UBXN7: variants seen among roughly 807,000 people sequenced by gnomAD.
UBXN7 encodes UBX domain-containing protein 7.
UBXN7 carries 9 observed loss-of-function variants against 58.0 expected under a neutral mutation model. The observed-to-expected ratio is 0.16, with a 90% CI of 0.09 to 0.27. The LOEUF is 0.27. UBXN7 is among the 10% of genes least tolerant of loss of function. The probability of loss-of-function intolerance (pLI) is 1.00; values close to 1 mark genes in which losing one functional copy is unlikely to be tolerated. For missense variants in UBXN7, 328 were observed against 599.6 expected (o/e 0.55, Z 4.73); for synonymous variants, 208 against 205.0 (o/e 1.01, Z -0.12).
At chr3:196,417,446 T>A (rs942482550) in intron 1 of UBXN7, among the ~76,000 whole-genome samples, 3 of 152,114 alleles carry the variant, frequency 2.0e-5, no homozygotes, top group African/African-American at 7.2e-5. Context: ...GCACAGAAGA[T>A]ATGATTTAAT....
At chr3:196,395,593 C>T (rs542581504) in intron 3 of UBXN7, among the ~76,000 whole-genome samples, 3 of 151,654 alleles carry the variant, frequency 2.0e-5, no homozygotes, top group Non-Finnish European at 4.4e-5. Context: ...TACAAGTGTG[C>T]AGCACCATGT....
At chr3:196,371,617 G>A (rs1372687133) in intron 6 of UBXN7, among the ~76,000 whole-genome samples, 1 of 152,040 alleles carries the variant, frequency 6.6e-6, no homozygotes, top group African/African-American at 2.4e-5. Flanking sequence ...GAGTAGCTGG[G>A]ATTACAGGTG....
intron 1 of UBXN7, 37 bp downstream of exon 1, chr3:196,432,290 A>G: frequency 6.2e-7 from 1 of 1,612,000 alleles, no homozygotes; most frequent in South Asian, 1.1e-5. Flanking sequence ...CCCGCTCCGG[A>G]CCCCACTCTC....
chr3:196,405,224 C>T (rs769612013), intron 2 of UBXN7, among the ~76,000 whole-genome samples: 2 of 151,964 alleles, frequency 1.3e-5, no homozygotes, highest in Non-Finnish European at 2.9e-5. Flanking sequence ...GTAATCCCAG[C>T]ACTTTGGGAG....
rs1728354329 is a variant in UBXN7 at position 196,356,539 on chromosome 3, G to A, written c.*146C>T. 5 of 814,402 alleles carry A rather than the reference G, an allele frequency of 6.1e-6. No homozygotes were observed. In the African/African-American group the frequency reaches 8.8e-5, roughly 14 times the overall value. 50.4% of individuals were successfully genotyped at this position (814,402 alleles called of 1,614,324 possible). ...AGGGGGAGAAAGAGACTGATTATAG[G>A]AGAGATCAAGAAATAAGAGAAGGAA... On this transcript the variant is annotated 3_prime_UTR_variant, in exon 11 of 11. Transcript: ENST00000296328.
chr3:196,385,203 C>T (rs1012107705), intron 5 of UBXN7, among the ~76,000 whole-genome samples: 9 of 152,202 alleles, frequency 5.9e-5, no homozygotes, highest in South Asian at 2.1e-4. Flanking sequence ...GGGGTTTCGC[C>T]GTGTTGGCCG....
At chr3:196,358,777 C>G (rs909733137) in intron 10 of UBXN7, among the ~76,000 whole-genome samples, 25 of 152,004 alleles carry the variant, frequency 1.6e-4, no homozygotes, top group Non-Finnish European at 3.2e-4. Context: ...GATGACTCAC[C>G]ACAGTTTGCA....
At chr3:196,365,204 A>G (rs1190257893) in intron 8 of UBXN7, among the ~76,000 whole-genome samples, 2 of 151,420 alleles carry the variant, frequency 1.3e-5, no homozygotes, top group African/African-American at 4.9e-5. Flanking sequence ...TGCTTATATT[A>G]GAAGAGAGAA....
chr3:196,405,336 G>GGAGT (rs1256980475), intron 2 of UBXN7, among the ~76,000 whole-genome samples: 3 of 151,538 alleles, frequency 2.0e-5, no homozygotes, highest in Non-Finnish European at 2.9e-5. Flanking sequence ...CGGGCGTGGT[G>GGAGT]GAGTGTACCA....
At chr3:196,375,183 CCACACACACACACACACACA>C (rs56188527) in intron 5 of UBXN7, among the ~76,000 whole-genome samples, 7 of 139,820 alleles carry the variant, frequency 5.0e-5, no homozygotes, top group East Asian at 2.2e-4. Flanking sequence ...GGTGCTCTTA[CCACACACACACACACACACA>C]CACACACACA....
In UBXN7 at chr3:196,432,333, T is replaced by C; in HGVS notation, c.67A>G (p.Ile23Val). 6.2e-7 allele frequency: 1 copy of C among 1,613,126 alleles called. No individual in the cohort carries two copies. Among genetic ancestry groups the C allele is most frequent in the East Asian group, 2.2e-5 (1 of 44,860 alleles). Residue 23 changes from isoleucine to valine, a missense_variant, in exon 1 of 11, where the codon ATT becomes GTT. Around this residue, in one of 4 missense-constraint regions of UBXN7, gnomAD observed 106 missense variants for 124.3 expected, o/e 0.85. Transcript: ENST00000296328. ...LKGLIQQFTT[I>V]TGASESVGKH... ...CGGTAACCGCGTCTCTTACCGGTAATGGTGGTGAACTGTTGAATTAACCCC... is the reference window on the plus strand; with the variant it reads ...CGGTAACCGCGTCTCTTACCGGTAACGGTGGTGAACTGTTGAATTAACCCC...
intron 8 of UBXN7, among the ~76,000 whole-genome samples, chr3:196,367,347 T>C (rs560604974): frequency 1.3e-5 from 2 of 152,316 alleles, no homozygotes; most frequent in East Asian, 1.9e-4. Context: ...GTCTACCTAG[T>C]AATAGTATAT....
At chr3:196,383,086 A>C (rs1729261285) in intron 5 of UBXN7, among the ~76,000 whole-genome samples, 1 of 151,612 alleles carries the variant, frequency 6.6e-6, no homozygotes, top group Admixed American at 6.6e-5. Context: ...ACTGCACTCC[A>C]GCCTGGGCCA....
chr3:196,403,667 A>G (rs1730062079), intron 2 of UBXN7, among the ~76,000 whole-genome samples: 1 of 152,252 alleles, frequency 6.6e-6, no homozygotes, highest in African/African-American at 2.4e-5. Flanking sequence ...AATAGAAGCA[A>G]TATCACATTA....
At chr3:196,407,154 T>G in intron 2 of UBXN7, 92 bp downstream of exon 2, 2 of 1,514,336 alleles carry the variant, frequency 1.3e-6, no homozygotes, top group Non-Finnish European at 8.8e-7. Flanking sequence ...TTCATTTATT[T>G]CAAAACCAGA....
intron 5 of UBXN7, among the ~76,000 whole-genome samples, chr3:196,391,249 A>G (rs1729571409): frequency 6.6e-6 from 1 of 152,218 alleles, no homozygotes; most frequent in African/African-American, 2.4e-5. Flanking sequence ...AAAGATTCTA[A>G]AATGACACCG....
rs1212529537 is a variant in UBXN7 at position 196,360,287 on chromosome 3, A to G, written c.1308+1557T>C. Among the ~76,000 whole-genome samples the G allele has an allele frequency of 2.0e-5, 3 of 152,234 alleles. No homozygotes were observed. In the East Asian group the frequency reaches 5.8e-4, roughly 29 times the overall value. ...TTTAAGTTTGACAAAACAGCCTTCT[A>G]TTGGAAGAAGATGCCATCAAGGACT... On this transcript the variant is annotated intron_variant, in intron 10 of 10. Coordinates refer to ENST00000296328, the MANE Select transcript of UBXN7 (RefSeq NM_015562.2).
chr3:196,420,817 T>C (rs1730658850), intron 1 of UBXN7, among the ~76,000 whole-genome samples: 1 of 152,262 alleles, frequency 6.6e-6, no homozygotes, highest in East Asian at 1.9e-4. Flanking sequence ...TAGTTTATAC[T>C]CTAATGCACA....
chr3:196,405,090 G>C (rs969242029), intron 2 of UBXN7, among the ~76,000 whole-genome samples: 10 of 152,114 alleles, frequency 6.6e-5, no homozygotes, highest in African/African-American at 2.4e-4. Flanking sequence ...AGGTTGCAGT[G>C]AGTTGAGAGC....
Sources: allele counts gnomAD v4.1 joint callset (sites outside exome capture counted in the v4.1 genomes callset), GRCh38; gene constraint gnomAD v4.1.1; regional missense constraint gnomAD v4.1.1; transcripts MANE v1.5; gene names NCBI Gene and HGNC (gene_info 2026-07-23, HGNC 2026-07-21).